Variants in EXOC4 observed in about 807,000 individuals in gnomAD.
The protein encoded by EXOC4 is exocyst complex component 4, also known as SEC8-like 1.
In EXOC4, 71 loss-of-function variants were observed where a neutral mutation model predicts 107.2. The observed-to-expected ratio is 0.66, with a 90% CI of 0.55 to 0.81. The LOEUF (loss-of-function observed/expected upper bound fraction) is 0.81. Ranked by LOEUF, EXOC4 falls within the 30% of genes least tolerant of loss-of-function variation. The pLI is 0.00. For missense variants in EXOC4, 1,108 were observed against 1,189.6 expected (o/e 0.93, Z 1.01); for synonymous variants, 456 against 441.2 (o/e 1.03, Z -0.42).
At chr7:133,437,399 C>T (rs1204203946) in intron 7 of EXOC4, among the ~76,000 whole-genome samples, 10 of 152,276 alleles carry the variant, frequency 6.6e-5, no homozygotes, top group African/African-American at 2.2e-4. Flanking sequence ...CATTTTCTAG[C>T]TCATGGTCTT....
At chr7:133,783,693 G>A (rs1017184465) in intron 10 of EXOC4, among the ~76,000 whole-genome samples, 1 of 152,190 alleles carries the variant, frequency 6.6e-6, no homozygotes, top group Non-Finnish European at 1.5e-5. Flanking sequence ...GATTTGGAAA[G>A]GAAGAAGGTT....
chr7:133,736,510 A>G (rs981031575), intron 10 of EXOC4, among the ~76,000 whole-genome samples: 11 of 152,210 alleles, frequency 7.2e-5, no homozygotes, highest in African/African-American at 2.7e-4. Flanking sequence ...GCTCTAACTC[A>G]TCAGTATAAT....
chr7:133,893,022 G>A (rs1799229601), intron 11 of EXOC4, among the ~76,000 whole-genome samples: 1 of 72,608 alleles, frequency 1.4e-5, no homozygotes, highest in Admixed American at 1.0e-4. Context: ...TGTTGACAGT[G>A]GGGTGTTAAA....
chr7:133,817,432 T>C lies in EXOC4; in HGVS notation c.1622T>C (p.Leu541Ser). 1.9e-6 allele frequency: 3 copies of C among 1,614,140 alleles called. No individual in the cohort carries two copies. The highest frequency in any genetic ancestry group is 2.5e-6 in the Non-Finnish European group (3 of 1,179,986). Residue 541 changes from leucine (L) to serine (S), a missense_variant, in exon 11 of 18, where the codon TTG (leucine) becomes TCG (serine). Leu to Ser is a moderately radical substitution (Grantham distance 145, BLOSUM62 -2). Transcript: ENST00000253861. Reference sequence around the variant, plus strand: ...AAAAACATCTTTCTCAATCAAGTCTTGGCTGAGATCAACAAGGAGATTGAA... The same window carrying C: ...AAAAACATCTTTCTCAATCAAGTCTCGGCTGAGATCAACAAGGAGATTGAA... ...YIKNIFLNQV[L>S]AEINKEIEGV...
At chr7:133,657,570 CT>C (rs1803329716) in intron 10 of EXOC4, among the ~76,000 whole-genome samples, 1 of 152,078 alleles carries the variant, frequency 6.6e-6, no homozygotes, top group Admixed American at 6.6e-5. Context: ...CAGAGTTGTA[CT>C]GTTATGTTAG....
intron 11 of EXOC4, among the ~76,000 whole-genome samples, chr7:133,835,622 A>C (rs1005599865): frequency 6.6e-6 from 1 of 152,188 alleles, no homozygotes; most frequent in East Asian, 1.9e-4. Flanking sequence ...AGATTAGTGA[A>C]TTGGGGGTCC....
intron 11 of EXOC4, among the ~76,000 whole-genome samples, chr7:133,846,949 A>G (rs949156832): frequency 6.6e-6 from 1 of 152,262 alleles, no homozygotes; most frequent in African/African-American, 2.4e-5. Context: ...AGCACTTGCC[A>G]TGCCTTCCTT....
the EXOC4 span, among the ~76,000 whole-genome samples, chr7:134,083,621 C>T: frequency 6.6e-6 from 1 of 152,148 alleles, no homozygotes; most frequent in African/African-American, 2.4e-5. Flanking sequence ...AGGCTGTAGT[C>T]TCAGAGCCCC....
chr7:133,531,907 C>T (rs1200772891), intron 9 of EXOC4, among the ~76,000 whole-genome samples: 2 of 152,144 alleles, frequency 1.3e-5, no homozygotes, highest in East Asian at 3.9e-4. Flanking sequence ...GGATTTTGGA[C>T]TTTTTCAAGT....
At chr7:134,007,546 G>A in intron 16 of EXOC4, 130 bp from the exon 17 acceptor site, 1 of 758,812 alleles carries the variant, frequency 1.3e-6, no homozygotes. Context: ...GCAACCATCA[G>A]AGGTAGATTT....
At chr7:133,794,980 C>T (rs1796783789) in intron 10 of EXOC4, among the ~76,000 whole-genome samples, 1 of 142,856 alleles carries the variant, frequency 7.0e-6, no homozygotes, top group Non-Finnish European at 1.5e-5. Flanking sequence ...GTGTGATGTT[C>T]CCCTTCCTGT....
chr7:133,865,142 G>C (rs1165102604), intron 11 of EXOC4, among the ~76,000 whole-genome samples: 7 of 151,800 alleles, frequency 4.6e-5, no homozygotes, highest in African/African-American at 1.7e-4. Flanking sequence ...ATGGGACAGG[G>C]ATGTTATCTT....
chr7:133,817,428 G>T lies in EXOC4; in HGVS notation c.1618G>T (p.Val540Phe). 6.2e-7 allele frequency: 1 copy of T among 1,614,088 alleles called. No individual in the cohort carries two copies. The highest frequency in any genetic ancestry group is 8.5e-7 in the Non-Finnish European group (1 of 1,179,968). Reference protein sequence around the residue: ...VYIKNIFLNQVLAEINKEIEG... With the variant: ...VYIKNIFLNQFLAEINKEIEG... ...CATCAAAAACATCTTTCTCAATCAA[G>T]TCTTGGCTGAGATCAACAAGGAGAT... Residue 540 changes from valine (V) to phenylalanine (F), a missense_variant, in exon 11 of 18, where the codon GTC (valine) becomes TTC (phenylalanine). Coordinates refer to ENST00000253861, the MANE Select transcript of EXOC4 (RefSeq NM_021807.4).
intron 9 of EXOC4, among the ~76,000 whole-genome samples, chr7:133,571,680 A>C (rs528004669): frequency 4.5e-3 from 251 of 55,624 alleles, no homozygotes; most frequent in South Asian, 8.6e-3. Context: ...GCCTCAAAGC[A>C]AAAAAAAAAA....
At chr7:133,936,199 G>T (rs541830268) in intron 13 of EXOC4, among the ~76,000 whole-genome samples, 2 of 152,078 alleles carry the variant, frequency 1.3e-5, no homozygotes, top group East Asian at 3.9e-4. Context: ...CCATGCGCTC[G>T]GTTCACTGCT....
In EXOC4 at chr7:133,386,563, T is replaced by G. The variant is rs1346580053; in HGVS notation, c.1182+11561T>G. On this transcript the variant is annotated intron_variant, in intron 7 of 17. Transcript: ENST00000253861. ...CCTTCACCACTTTAGTTTGTGCTGCTTATACTCTTGTTCAGGGTTGAAGGC... is the reference window on the plus strand; with the variant it reads ...CCTTCACCACTTTAGTTTGTGCTGCGTATACTCTTGTTCAGGGTTGAAGGC... Among the ~76,000 whole-genome samples the G allele has an allele frequency of 2.0e-5, 3 of 152,204 alleles. No individual in the cohort carries two copies. In the East Asian group the frequency reaches 5.8e-4, roughly 29 times the overall value.
intron 7 of EXOC4, among the ~76,000 whole-genome samples, chr7:133,463,193 G>A (rs1042015964): frequency 6.6e-6 from 1 of 152,154 alleles, no homozygotes; most frequent in African/African-American, 2.4e-5. Flanking sequence ...ATAGGATTTG[G>A]CAGGTGATTT....
At position 133,937,890 on chromosome 7, in the gene EXOC4, G is replaced by A. The variant is rs1800340676; in HGVS notation, c.2028-1G>A. The A allele has an allele frequency of 6.2e-7, 1 of 1,613,936 alleles. No homozygotes were observed. Among genetic ancestry groups the A allele is most frequent in the Non-Finnish European group, 8.5e-7 (1 of 1,179,964 alleles). On this transcript the variant is annotated splice_acceptor_variant, in intron 13 of 17. Coordinates refer to ENST00000253861, the MANE Select transcript of EXOC4 (RefSeq NM_021807.4). LOFTEE classifies it high-confidence loss of function. ...AAGTGTGTTTCTGATTTGCTTTTCAGGGCAGCTTTTGGCAAGGAGTCTGAA... is the reference window on the plus strand; with the variant it reads ...AAGTGTGTTTCTGATTTGCTTTTCAAGGCAGCTTTTGGCAAGGAGTCTGAA...
At chr7:133,528,048 C>T (rs943998343) in intron 9 of EXOC4, among the ~76,000 whole-genome samples, 3 of 152,106 alleles carry the variant, frequency 2.0e-5, no homozygotes, top group African/African-American at 7.2e-5. Flanking sequence ...AGAGTTGGAC[C>T]CAATAATTTG....
Sources: allele counts gnomAD v4.1 joint callset (sites outside exome capture counted in the v4.1 genomes callset), GRCh38; gene constraint gnomAD v4.1.1; transcripts MANE v1.5; gene names NCBI Gene and HGNC (gene_info 2026-07-23, HGNC 2026-07-21).